The following KIFC3 variants were observed in gnomAD, a reference collection of about 807,000 sequenced individuals.
KIFC3 encodes the protein kinesin-like protein KIFC3.
Under a neutral mutation model 101.8 loss-of-function variants are expected in KIFC3, and 60 were observed. The observed-to-expected ratio is 0.59, with a 90% CI of 0.48 to 0.73. The LOEUF (loss-of-function observed/expected upper bound fraction) is 0.73, where lower values mean the gene tolerates loss of function less well. KIFC3 is among the 30% of genes least tolerant of loss of function. The pLI, the probability that KIFC3 is intolerant of heterozygous loss-of-function variation, is 0.00. For missense variants in KIFC3, 966 were observed against 1,137.1 expected (o/e 0.85, Z 2.16); for synonymous variants, 476 against 482.7 (o/e 0.99, Z 0.18).
intron 17 of KIFC3, 46 bp downstream of exon 17, chr16:57,760,234 GTC>G: frequency 6.3e-7 from 1 of 1,582,276 alleles, no homozygotes; most frequent in Non-Finnish European, 8.6e-7. Context: ...ATGACCCAAA[GTC>G]TCTGACCCAG....
intron 2 of KIFC3, chr16:57,797,765 A>G: frequency 7.8e-7 from 1 of 1,286,798 alleles, no homozygotes; most frequent in South Asian, 1.6e-5. Context: ...CAAGGACGGC[A>G]GCCCGCAGAG....
chr16:57,801,005 G>C (rs1212238023), intron 1 of KIFC3, among the ~76,000 whole-genome samples: 17 of 152,182 alleles, frequency 1.1e-4, no homozygotes, highest in Non-Finnish European at 2.4e-4. Flanking sequence ...TATAAAATGG[G>C]GAGAACACCA....
At position 57,759,734 on chromosome 16, in the gene KIFC3, G is replaced by A; in HGVS notation, c.2470C>T (p.Pro824Ser). The A allele has an allele frequency of 6.2e-7, 1 of 1,608,986 alleles. No homozygotes were observed. The highest frequency in any genetic ancestry group is 8.5e-7 in the Non-Finnish European group (1 of 1,177,674). Residue 824 changes from proline to serine, a missense_variant, in exon 18 of 20, where the codon CCC becomes TCC. By Grantham distance (74) the Pro-to-Ser change is moderately conservative (BLOSUM62 -1). Transcript: ENST00000445690. ...ACTGCCACTCCAGGCTCACCCGAGG[G>A]CTGCAGCTTCCTCCGGATGGATCCA... ...RPGSIRRKLQ[P>S]SA
intron 1 of KIFC3, chr16:57,810,734 TAC>T: frequency 7.2e-6 from 7 of 965,690 alleles, no homozygotes; most frequent in Non-Finnish European, 8.6e-6. Flanking sequence ...AAAAACTCTT[TAC>T]ACACAGGATT....
At chr16:57,806,122 C>T (rs1192184621), upstream of KIFC3, among the ~76,000 whole-genome samples, 1 of 152,134 alleles carries the variant, frequency 6.6e-6, no homozygotes, top group Non-Finnish European at 1.5e-5. Flanking sequence ...AGTTCTGCTC[C>T]CCAAAGGGAA....
Position 57,762,142 on chromosome 16 carries a change from G to T in KIFC3, c.1746C>A (p.Leu582=). The change falls in exon 13 of 20, where the codon CTC becomes CTA. Residue 582 remains leucine (L), a splice_region_variant and synonymous_variant. Transcript: ENST00000445690. ...TCCGCACACCCTGGGGCTCCCACCT[G>T]AGGACCTCATTGTAGATCTCCGCAG... ...VSAAEIYNEV[L]RDLLGKEPQE... 6.3e-7 allele frequency: 1 copy of T among 1,598,280 alleles called. No individual in the cohort carries two copies.
At chr16:57,761,257 C>A in intron 14 of KIFC3, 86 bp from the exon 15 acceptor site, 1 of 1,583,518 alleles carries the variant, frequency 6.3e-7, no homozygotes, top group Non-Finnish European at 8.6e-7. Flanking sequence ...TGAGGAGTGG[C>A]ACCACCCTCC....
At chr16:57,847,080 G>T (rs2055935590) in intron 1 of KIFC3, among the ~76,000 whole-genome samples, 1 of 151,820 alleles carries the variant, frequency 6.6e-6, no homozygotes, top group African/African-American at 2.4e-5. Flanking sequence ...AGCTACTCTG[G>T]GGGCTGAGGC....
chr16:57,772,343 A>G (rs2051361356), intron 3 of KIFC3, 55 bp from the exon 4 acceptor site: 1 of 1,487,312 alleles, frequency 6.7e-7, no homozygotes, highest in African/African-American at 1.4e-5. Flanking sequence ...TCCAGCCTAC[A>G]CCCAGGCCTC....
Position 57,769,783 on chromosome 16 carries a change from G to A in KIFC3, c.1087+25C>T. 6.2e-7 allele frequency: 1 copy of A among 1,613,030 alleles called. No individual in the cohort carries two copies. The highest frequency in any genetic ancestry group is 8.5e-7 in the Non-Finnish European group (1 of 1,179,880). On this transcript the variant is annotated intron_variant, in intron 8 of 19. Coordinates refer to ENST00000445690, the MANE Select transcript of KIFC3 (RefSeq NM_001130100.2). The surrounding 1 kb of genome is among the most constrained non-coding windows in gnomAD (Gnocchi z 4.3). ...GGATGAGGGGCCGCGGCGTGGGGCA[G>A]ACAGGGCCCAGCTGGTCAGCTCACC...
upstream of KIFC3, among the ~76,000 whole-genome samples, chr16:57,805,028 A>C (rs1555626652): frequency 6.6e-6 from 1 of 151,628 alleles, no homozygotes; most frequent in Non-Finnish European, 1.5e-5. Flanking sequence ...ACAGGGTTTC[A>C]CCATGTTGGA....
intron 1 of KIFC3, among the ~76,000 whole-genome samples, chr16:57,861,566 C>T (rs895452580): frequency 2.0e-5 from 3 of 152,140 alleles, no homozygotes; most frequent in African/African-American, 4.8e-5. Context: ...CAGGAAGGAC[C>T]GTGGACCCAG....
In KIFC3 at chr16:57,785,463, C is replaced by G. The variant is rs981766215; in HGVS notation, c.315+9536G>C. On this transcript the variant is annotated intron_variant, in intron 3 of 19. Coordinates refer to ENST00000445690, the MANE Select transcript of KIFC3 (RefSeq NM_001130100.2). ...CTGCCCATCCCAGCCTCCCCAGGTA[C>G]CTGGTTCTGCAGCTGGGTGGACGTG... The G allele has an allele frequency of 4.7e-6, 6 of 1,284,420 alleles. No homozygotes were observed. The African/African-American group carries it at 6.1e-5, about 13-fold the overall frequency. The allele number at this position is 1,284,420 out of a possible 1,614,324, so 79.6% of individuals were successfully genotyped here. A position where few individuals can be genotyped will look rare whatever the true frequency, so the allele number is the denominator to read the frequency against.
intron 12 of KIFC3, 81 bp downstream of exon 12, chr16:57,764,062 A>C (rs1023588205): frequency 1.0e-6 from 1 of 992,854 alleles, no homozygotes; most frequent in African/African-American, 1.6e-5. Context: ...CACACACTGC[A>C]CAATACCCCA....
intron 1 of KIFC3, among the ~76,000 whole-genome samples, chr16:57,856,534 AAAAGAAAGAAG>A (rs2056172504): frequency 6.6e-6 from 1 of 151,908 alleles, no homozygotes; most frequent in African/African-American, 2.4e-5. Flanking sequence ...AAAAGAAAGA[AAAAGAAAGAAG>A]AAAGAAAAAA....
chr16:57,820,090 A>C (rs1223779306), intron 1 of KIFC3, among the ~76,000 whole-genome samples: 2 of 151,866 alleles, frequency 1.3e-5, no homozygotes, highest in Non-Finnish European at 1.5e-5. Context: ...GCTGGTCTTG[A>C]ACTCCTGACC....
chr16:57,776,498 C>T, intron 3 of KIFC3: 1 of 772,144 alleles, frequency 1.3e-6, no homozygotes, highest in Non-Finnish European at 1.6e-6. Flanking sequence ...GCTGGGTAAC[C>T]TTGGACAAGT....
intron 1 of KIFC3, among the ~76,000 whole-genome samples, chr16:57,832,955 C>A (rs2055614597): frequency 6.6e-6 from 1 of 151,982 alleles, no homozygotes; most frequent in East Asian, 1.9e-4. Context: ...TACCTGTAAT[C>A]CCAGCACTTT....
chr16:57,766,825 G>A (rs782104496), intron 10 of KIFC3, 49 bp downstream of exon 10: 2 of 1,361,030 alleles, frequency 1.5e-6, no homozygotes, highest in Middle Eastern at 1.8e-4. Flanking sequence ...TGCCAAGCCA[G>A]GTCGAGGACC....
Sources: gnomAD v4.1 joint callset for allele counts (sites outside exome capture counted in the v4.1 genomes callset) on GRCh38, gnomAD v4.1.1 for gene constraint, Gnocchi (gnomAD v3.1) non-coding constraint, MANE v1.5 for transcripts, NCBI Gene and HGNC (gene_info 2026-07-23, HGNC 2026-07-21) for gene names.